Variants in KIAA1755 observed in about 807,000 individuals in gnomAD.
KIAA1755 encodes the protein KIAA1755.
In KIAA1755, 68 loss-of-function variants were observed where a neutral mutation model predicts 91.7. The observed-to-expected ratio is 0.74, with a 90% CI of 0.61 to 0.91. The LOEUF is 0.91. Ranked by LOEUF, KIAA1755 falls within the 40% of genes least tolerant of loss-of-function variation. The pLI is 0.00. For missense variants in KIAA1755, 1,535 were observed against 1,494.4 expected, an observed-to-expected ratio of 1.03 and a Z score of -0.45; for synonymous variants, 610 against 604.6, an observed-to-expected ratio of 1.01 and a Z score of -0.13.
Position 38,240,841 on chromosome 20 carries a change from A to C in KIAA1755, c.1290T>G (p.Pro430=). 1 of 1,614,170 alleles carries C rather than the reference A, an allele frequency of 6.2e-7. No individual in the cohort carries two copies. Among genetic ancestry groups the C allele is most frequent in the Non-Finnish European group, 8.5e-7 (1 of 1,180,022 alleles). ...TCTTTGTTTCAGAGGCTGCAGCTGC[A>C]GGAGAAGCTGGGGACAGGCGGGGAG... ...ASSPRLSPAS[P]AAAASETKIE... The change falls in exon 3 of 14, where the codon CCT becomes CCG. Residue 430 remains proline, a synonymous_variant. Coordinates refer to ENST00000279024, the MANE Select transcript of KIAA1755 (RefSeq NM_001029864.2).
At position 38,211,510 on chromosome 20, in the gene KIAA1755, G is replaced by A. The variant is rs2075450746; in HGVS notation, c.*1532C>T. On this transcript the variant is annotated 3_prime_UTR_variant, in exon 14 of 14. Coordinates refer to ENST00000279024, the MANE Select transcript of KIAA1755 (RefSeq NM_001029864.2). ...TGGATGCTCCATCTAAGATCCGACA[G>A]ATAGGCCCCTTCCCACGGTCCCCAA... 1 of 152,478 alleles carries A rather than the reference G, an allele frequency of 6.6e-6. No individual in the cohort carries two copies. Among genetic ancestry groups the A allele is most frequent in the Non-Finnish European group, 1.5e-5 (1 of 68,268 alleles). The allele number at this position is 152,478 out of a possible 1,614,324, so 9.4% of individuals were successfully genotyped here. A position where few individuals can be genotyped will look rare whatever the true frequency, so the allele number is the denominator to read the frequency against.
At position 38,245,184 on chromosome 20, in the gene KIAA1755, A is replaced by AT. The variant is rs200018411; in HGVS notation, c.201+744dup. Among the ~76,000 whole-genome samples the AT allele has an allele frequency of 6.0e-3, 914 of 152,210 alleles. 16 individuals are homozygous for AT. Among genetic ancestry groups the AT allele is most frequent in the African/African-American group, 0.021 (882 of 41,534 alleles). ...TGGCCAATCAGGATCCTTCCTTGAGATTTTTCTATGTGCAGTGGATGGGAA... is the reference window on the plus strand; with the variant it reads ...TGGCCAATCAGGATCCTTCCTTGAGATTTTTTCTATGTGCAGTGGATGGGAA... On this transcript the variant is annotated intron_variant, in intron 2 of 13. Transcript: ENST00000279024.
intron 13 of KIAA1755, among the ~76,000 whole-genome samples, chr20:38,215,314 C>T (rs559424910): frequency 2.9e-4 from 44 of 152,350 alleles, no homozygotes; most frequent in South Asian, 2.1e-3. Flanking sequence ...CAGACGCCAC[C>T]TCCACACAGG....
chr20:38,257,831 C>G (rs1365380958), intron 1 of KIAA1755, among the ~76,000 whole-genome samples: 4 of 152,200 alleles, frequency 2.6e-5, no homozygotes, highest in East Asian at 3.9e-4. Context: ...AATTGTTCAC[C>G]ACCAACCTCA....
At chr20:38,250,595 C>T (rs2076234084) in intron 1 of KIAA1755, among the ~76,000 whole-genome samples, 2 of 151,218 alleles carry the variant, frequency 1.3e-5, no homozygotes, top group Middle Eastern at 3.4e-3. Flanking sequence ...GAAAACAGTT[C>T]CCCTGTATGG....
chr20:38,260,132 C>A, intron 1 of KIAA1755: 9 of 1,187,118 alleles, frequency 7.6e-6, no homozygotes, highest in Non-Finnish European at 9.8e-6. Context: ...AACTCCCTGC[C>A]GGGACAATGT....
In KIAA1755 at chr20:38,211,567, A is replaced by G. The variant is rs774645109; in HGVS notation, c.*1475T>C. On this transcript the variant is annotated 3_prime_UTR_variant, in exon 14 of 14. Coordinates refer to ENST00000279024, the MANE Select transcript of KIAA1755 (RefSeq NM_001029864.2). ...GGACCCAGCTGCCCACAGAACCCCA[A>G]TGGTACTGGGCCACAGAGGCTGGGC... 2.0e-5 allele frequency: 3 copies of G among 152,280 alleles called. No homozygotes were observed. Among genetic ancestry groups the G allele is most frequent in the Admixed American group, 1.3e-4 (2 of 15,272 alleles). 9.4% of individuals were successfully genotyped at this position (152,280 alleles called of 1,614,324 possible).
In KIAA1755 at chr20:38,217,408, C is replaced by T. The variant is rs765394554; in HGVS notation, c.2746G>A (p.Ala916Thr). 1.2e-6 allele frequency: 2 copies of T among 1,613,278 alleles called. No homozygotes were observed. Among genetic ancestry groups the T allele is most frequent in the Non-Finnish European group, 1.7e-6 (2 of 1,179,738 alleles). Residue 916 changes from alanine to threonine, a missense_variant, in exon 13 of 14, where the codon GCT (alanine) becomes ACT (threonine). Ala to Thr is a moderately conservative substitution (Grantham distance 58). Coordinates refer to ENST00000279024, the MANE Select transcript of KIAA1755 (RefSeq NM_001029864.2). ...AAQLGATARG[A>T]GEAERAEFPE... Reference sequence around the variant, plus strand: ...AACTCTGCACGTTCTGCCTCCCCAGCCCCTCTGGCTGTAGCTCCCAGCTGA... The same window carrying T: ...AACTCTGCACGTTCTGCCTCCCCAGTCCCTCTGGCTGTAGCTCCCAGCTGA...
rs1184199590 is a variant in KIAA1755 at position 38,241,405 on chromosome 20, C to G, written c.726G>C (p.Gly242=). Residue 242 remains glycine, a synonymous_variant, in exon 3 of 14, where the codon GGG becomes GGC. Transcript: ENST00000279024. ...CCTTGATGAGTCCTGGATACTTGCT[C>G]CCATATGTCCTGCCCTTACCCTTGG... The part of the protein sequence containing the change: ...SLAKGKGRTY[G]SKYPGLIKVE... 6.2e-7 allele frequency: 1 copy of G among 1,614,190 alleles called. No homozygotes were observed.
At chr20:38,250,801 G>A (rs2076237888) in intron 1 of KIAA1755, among the ~76,000 whole-genome samples, 1 of 151,874 alleles carries the variant, frequency 6.6e-6, no homozygotes, top group South Asian at 2.1e-4. Flanking sequence ...GCAAATGCAG[G>A]GCGCCATGAT....
chr20:38,257,748 A>C (rs2123361796), intron 1 of KIAA1755, among the ~76,000 whole-genome samples: 1 of 152,288 alleles, frequency 6.6e-6, no homozygotes, highest in Admixed American at 6.5e-5. Flanking sequence ...GTCTGGAGCC[A>C]GTCTATCTCG....
At chr20:38,215,454 C>T (rs113754633) in intron 13 of KIAA1755, among the ~76,000 whole-genome samples, 36 of 152,278 alleles carry the variant, frequency 2.4e-4, no homozygotes, top group Middle Eastern at 3.4e-3. Flanking sequence ...TCAGGGAGCT[C>T]GCCTCGCAGG....
At chr20:38,229,703 C>T (rs962822651) in intron 5 of KIAA1755, among the ~76,000 whole-genome samples, 2 of 152,224 alleles carry the variant, frequency 1.3e-5, no homozygotes, top group Non-Finnish European at 2.9e-5. Flanking sequence ...ACATCCTCTA[C>T]ACCCCCTCAT....
chr20:38,244,507 A>G (rs1180833756), intron 2 of KIAA1755, among the ~76,000 whole-genome samples: 1 of 152,160 alleles, frequency 6.6e-6, no homozygotes, highest in East Asian at 1.9e-4. Context: ...TGTCCCTGAC[A>G]GGCAGTGGGC....
intron 2 of KIAA1755, 89 bp from the exon 3 acceptor site, chr20:38,242,018 T>C: frequency 7.4e-7 from 1 of 1,355,120 alleles, no homozygotes; most frequent in Non-Finnish European, 1.0e-6. Context: ...ACGTGGAATC[T>C]GGAACAGGTC....
chr20:38,221,384 C>G (rs2075655984), intron 10 of KIAA1755, among the ~76,000 whole-genome samples: 1 of 152,152 alleles, frequency 6.6e-6, no homozygotes, highest in Non-Finnish European at 1.5e-5. Context: ...GCAGTGCCAA[C>G]CCCCACCAGG....
At chr20:38,228,292 G>T (rs1407901939) in intron 5 of KIAA1755, 52 bp from the exon 6 acceptor site, 2 of 1,416,432 alleles carry the variant, frequency 1.4e-6, no homozygotes, top group Non-Finnish European at 1.9e-6. Flanking sequence ...TCGGACAGGG[G>T]GCAGGACCTA....
At position 38,217,267 on chromosome 20, in the gene KIAA1755, G is replaced by C. The variant is rs756210371; in HGVS notation, c.2887C>G (p.Arg963Gly). 1 of 1,601,496 alleles carries C rather than the reference G, an allele frequency of 6.2e-7. No homozygotes were observed. Among genetic ancestry groups the C allele is most frequent in the East Asian group, 2.3e-5 (1 of 44,424 alleles). Reference sequence around the variant, plus strand: ...GCGGGGCTCACCCTCTTGCAGAAGCGGTGCAGGTGGAGCAGCGTCTCGAGG... The same window carrying C: ...GCGGGGCTCACCCTCTTGCAGAAGCCGTGCAGGTGGAGCAGCGTCTCGAGG... ...TDLETLLHLH[R>G]FCKRMTWFHM... The change falls in exon 13 of 14, where the codon CGC becomes GGC. Residue 963 changes from arginine to glycine, a missense_variant. Transcript: ENST00000279024.
intron 3 of KIAA1755, 30 bp from the exon 4 acceptor site, chr20:38,239,755 C>T (rs117808495): frequency 0.051 from 82,010 of 1,595,522 alleles, 2,553 homozygotes; most frequent in Non-Finnish European, 0.063. Context: ...AAGAAAAGGA[C>T]GTTAAGCAGA....
Sources: gnomAD v4.1 joint callset for allele counts (sites outside exome capture counted in the v4.1 genomes callset) on GRCh38, gnomAD v4.1.1 for gene constraint, MANE v1.5 for transcripts, NCBI Gene and HGNC (gene_info 2026-07-23, HGNC 2026-07-21) for gene names.